The following SLC71A2 variants were observed in gnomAD, a reference collection of about 807,000 sequenced individuals.
The protein encoded by SLC71A2 is solute carrier family 71 member 2, also known as hippocampus abundant transcript-like 1.
chr9:94,439,249 C>T, the SLC71A2 span, among the ~76,000 whole-genome samples: 2 of 151,866 alleles, frequency 1.3e-5, no homozygotes, highest in African/African-American at 4.8e-5. Flanking sequence ...CCTGGTTATC[C>T]ACCTGCCTCG....
chr9:94,421,975 G>GCAACTGCA, the SLC71A2 span, among the ~76,000 whole-genome samples: 1 of 151,592 alleles, frequency 6.6e-6, no homozygotes, highest in Non-Finnish European at 1.5e-5. Flanking sequence ...GTGCAGTTGC[G>GCAACTGCA]CTATCTCGGC....
At chr9:94,460,730 T>C in the SLC71A2 span, 6 of 152,532 alleles carry the variant, frequency 3.9e-5, no homozygotes, top group East Asian at 9.6e-4. Context: ...TTTATAAATG[T>C]AATGAAGGTA....
chr9:94,431,028 C>G, the SLC71A2 span, among the ~76,000 whole-genome samples: 1 of 152,028 alleles, frequency 6.6e-6, no homozygotes, highest in Non-Finnish European at 1.5e-5. Flanking sequence ...AAATTATTCC[C>G]AAGGCTGCAC....
At chr9:94,413,785 T>C in the SLC71A2 span, among the ~76,000 whole-genome samples, 2 of 152,182 alleles carry the variant, frequency 1.3e-5, no homozygotes, top group African/African-American at 4.8e-5. Context: ...TCTTCACTGA[T>C]TTCTCTTGGT....
the SLC71A2 span, among the ~76,000 whole-genome samples, chr9:94,450,302 T>G: frequency 1.3e-5 from 2 of 152,166 alleles, no homozygotes; most frequent in South Asian, 4.1e-4. Context: ...TTTTTAAAAC[T>G]TCAAACAAAA....
chr9:94,422,157 T>G, the SLC71A2 span, among the ~76,000 whole-genome samples: 8 of 152,184 alleles, frequency 5.3e-5, no homozygotes, highest in Admixed American at 1.3e-4. Flanking sequence ...GTGCTTGAGC[T>G]ACTGTGCCTG....
chr9:94,380,943 A>T, the SLC71A2 span, among the ~76,000 whole-genome samples: 2 of 94,356 alleles, frequency 2.1e-5, no homozygotes, highest in Admixed American at 1.0e-4. Flanking sequence ...CATATTCATC[A>T]CCCTCAAATG....
chr9:94,377,327 C>T, the SLC71A2 span, among the ~76,000 whole-genome samples: 22 of 151,692 alleles, frequency 1.5e-4, no homozygotes, highest in African/African-American at 5.3e-4. Context: ...TTAGATGCTA[C>T]TAGTAATCAC....
the SLC71A2 span, among the ~76,000 whole-genome samples, chr9:94,457,417 A>G: frequency 6.6e-6 from 1 of 151,970 alleles, no homozygotes; most frequent in Admixed American, 6.6e-5. Context: ...AAGTTTTAGT[A>G]AAAAACTATA....
the SLC71A2 span, among the ~76,000 whole-genome samples, chr9:94,404,567 A>G: frequency 1.2e-3 from 187 of 152,218 alleles, 2 homozygotes; most frequent in East Asian, 0.014. Flanking sequence ...AAGTGCTGGG[A>G]TTACATACAT....
At chr9:94,393,734 G>A in the SLC71A2 span, among the ~76,000 whole-genome samples, 1 of 147,872 alleles carries the variant, frequency 6.8e-6, no homozygotes, top group South Asian at 2.2e-4. Context: ...GCTTTGATTA[G>A]GGCCCCGCAT....
chr9:94,446,914 G>C, the SLC71A2 span: 1 of 1,600,834 alleles, frequency 6.2e-7, no homozygotes, highest in Non-Finnish European at 8.6e-7. Flanking sequence ...CAGTATTCAA[G>C]TTTTTTTCTC....
the SLC71A2 span, among the ~76,000 whole-genome samples, chr9:94,429,825 T>C: frequency 6.6e-6 from 1 of 152,112 alleles, no homozygotes; most frequent in African/African-American, 2.4e-5. Flanking sequence ...TTTATTATTA[T>C]TTTTGCATTG....
chr9:94,455,187 A>ATTTTTTTTTTTTTTTTTTTT, the SLC71A2 span, among the ~76,000 whole-genome samples: 1 of 30,692 alleles, frequency 3.3e-5, no homozygotes, highest in Non-Finnish European at 5.4e-5. Flanking sequence ...TTTTTGAGAG[A>ATTTTTTTTTTTTTTTTTTTT]GAGAGGGTCT....
chr9:94,429,120 A>G, the SLC71A2 span: 1 of 1,592,588 alleles, frequency 6.3e-7, no homozygotes, highest in South Asian at 1.1e-5. Flanking sequence ...GCATGCCATT[A>G]AAAGAGGCAG....
the SLC71A2 span, among the ~76,000 whole-genome samples, chr9:94,411,377 T>G: frequency 1.3e-5 from 2 of 148,704 alleles, no homozygotes; most frequent in African/African-American, 5.0e-5. Flanking sequence ...GGTATTTTTT[T>G]GTTGTATTAC....
At chr9:94,420,597 T>A in the SLC71A2 span, among the ~76,000 whole-genome samples, 16 of 144,272 alleles carry the variant, frequency 1.1e-4, no homozygotes, top group Non-Finnish European at 2.3e-4. Flanking sequence ...TTATAATACT[T>A]TTTTTTTTTT....
chr9:94,423,246 C>T, the SLC71A2 span, among the ~76,000 whole-genome samples: 1 of 149,292 alleles, frequency 6.7e-6, no homozygotes, highest in African/African-American at 2.5e-5. Flanking sequence ...CTGGGATTGC[C>T]TTTCTGTTCT....
At chr9:94,375,408 G>A in the SLC71A2 span, among the ~76,000 whole-genome samples, 1 of 151,434 alleles carries the variant, frequency 6.6e-6, no homozygotes, top group African/African-American at 2.4e-5. Context: ...CGTTGCTGGG[G>A]ACCAGCCGAG....
Sources: allele counts gnomAD v4.1 joint callset (sites outside exome capture counted in the v4.1 genomes callset), GRCh38; gene constraint gnomAD v4.1.1; transcripts MANE v1.5; gene names NCBI Gene and HGNC (gene_info 2026-07-23, HGNC 2026-07-21).